The following TERB2 variants were observed in gnomAD, a reference collection of about 807,000 sequenced individuals.
TERB2 encodes the protein telomere repeat binding bouquet formation protein 2.
In TERB2, 26 loss-of-function variants were observed where a neutral mutation model predicts 29.8. The observed-to-expected ratio is 0.87, with a 90% confidence interval of 0.64 to 1.21. The LOEUF is 1.21. Ranked by LOEUF, TERB2 falls within the 50% of genes most tolerant of loss-of-function variation. The pLI is 0.00. For synonymous variants in TERB2, 80 were observed against 90.8 expected (o/e 0.88, Z 0.68); for missense variants, 240 against 268.6 (o/e 0.89, Z 0.74).
At chr15:44,974,000 C>G in intron 6 of TERB2, 45 bp downstream of exon 6, 1 of 1,435,692 alleles carries the variant, frequency 7.0e-7, no homozygotes, top group African/African-American at 1.4e-5. Context: ...AGGAAAGAAA[C>G]AAGGGAATAT....
intron 5 of TERB2, among the ~76,000 whole-genome samples, chr15:44,968,746 C>T (rs1807024307): frequency 6.6e-6 from 1 of 151,802 alleles, no homozygotes; most frequent in African/African-American, 2.4e-5. Context: ...GGATTACAGG[C>T]ATGAGCCACC....
intron 5 of TERB2, among the ~76,000 whole-genome samples, chr15:44,968,233 T>C (rs1891916240): frequency 6.6e-6 from 1 of 151,936 alleles, no homozygotes; most frequent in African/African-American, 2.4e-5. Context: ...TGTTTTTAAT[T>C]GAGACAGAAT....
intron 6 of TERB2, among the ~76,000 whole-genome samples, chr15:44,974,564 G>A (rs929655457): frequency 3.9e-5 from 6 of 152,078 alleles, no homozygotes; most frequent in Admixed American, 6.6e-5. Flanking sequence ...AACTAACCAC[G>A]GCTGACATTG....
chr15:44,966,956 T>C (rs1891901057), intron 5 of TERB2, among the ~76,000 whole-genome samples: 1 of 152,112 alleles, frequency 6.6e-6, no homozygotes, highest in Non-Finnish European at 1.5e-5. Flanking sequence ...AAATACTAGC[T>C]GGGCATAGTG....
intron 3 of TERB2, among the ~76,000 whole-genome samples, chr15:44,959,508 C>T (rs562202803): frequency 9.2e-5 from 14 of 152,192 alleles, no homozygotes; most frequent in East Asian, 3.9e-4. Flanking sequence ...GCTGGGACTA[C>T]AGGCGCCCAC....
intron 6 of TERB2, among the ~76,000 whole-genome samples, chr15:44,976,850 ATCT>A (rs1247168612): frequency 2.6e-5 from 4 of 152,128 alleles, no homozygotes; most frequent in East Asian, 3.8e-4. Context: ...CTAACTGCAG[ATCT>A]TCTTCTGGAT....
At chr15:44,978,339 A>C (rs1315778515) in intron 6 of TERB2, 150 bp from the exon 7 acceptor site, 3 of 1,201,024 alleles carry the variant, frequency 2.5e-6, no homozygotes, top group Non-Finnish European at 3.2e-6. Context: ...GGTTTCATGG[A>C]GAATCTTCTC....
At chr15:44,964,023 ATGGT>A (rs1428231928) in intron 4 of TERB2, among the ~76,000 whole-genome samples, 1 of 151,736 alleles carries the variant, frequency 6.6e-6, no homozygotes, top group Non-Finnish European at 1.5e-5. Context: ...GTTGGCCGGG[ATGGT>A]CTCAATCTCC....
At chr15:44,961,207 T>C (rs2141239280) in intron 3 of TERB2, among the ~76,000 whole-genome samples, 1 of 145,342 alleles carries the variant, frequency 6.9e-6, no homozygotes, top group Admixed American at 6.9e-5. Context: ...TATATATATA[T>C]ATATATATAC....
chr15:44,957,594 T>C (rs1891738311), intron 2 of TERB2, among the ~76,000 whole-genome samples: 1 of 152,188 alleles, frequency 6.6e-6, no homozygotes, highest in South Asian at 2.1e-4. Context: ...CCGAATACCA[T>C]GAATTAGATC....
At chr15:44,971,284 T>TA (rs1370034921) in intron 5 of TERB2, 5 of 152,246 alleles carry the variant, frequency 3.3e-5, no homozygotes, top group African/African-American at 1.2e-4. Context: ...TCCCTGAAGA[T>TA]ACCTCCACTT....
In TERB2 at chr15:44,974,813, A is replaced by G. The variant is rs17521396; in HGVS notation, c.523+858A>G. On this transcript the variant is annotated intron_variant, in intron 6 of 6. Transcript: ENST00000340827. Reference sequence around the variant, plus strand: ...ATTTATCATTTTCTCTTTATTTAGCAATGTTAAAACTACCTCTTGCAGCTA... The same window carrying G: ...ATTTATCATTTTCTCTTTATTTAGCGATGTTAAAACTACCTCTTGCAGCTA... 5.6e-3 allele frequency among the ~76,000 whole-genome samples: 853 copies of G among 152,310 alleles called. 36 individuals are homozygous for G. Among genetic ancestry groups the G allele is most frequent in the Admixed American group, 0.029 (448 of 15,288 alleles).
At chr15:44,966,405 G>A (rs1393895476) in intron 5 of TERB2, among the ~76,000 whole-genome samples, 162 bp downstream of exon 5, 4 of 152,056 alleles carry the variant, frequency 2.6e-5, no homozygotes, top group Admixed American at 1.3e-4. Flanking sequence ...AGAAAGATAA[G>A]CAATTTCCCC....
chr15:44,967,327 G>A (rs1341453835), intron 5 of TERB2, among the ~76,000 whole-genome samples: 2 of 152,226 alleles, frequency 1.3e-5, no homozygotes, highest in Non-Finnish European at 2.9e-5. Context: ...AGTGGAGGCA[G>A]GGGAATCCCC....
At position 44,958,410 on chromosome 15, in the gene TERB2, A is replaced by G; in HGVS notation, c.184A>G (p.Thr62Ala). Residue 62 changes from threonine (T) to alanine (A), a missense_variant, in exon 3 of 7, where the codon ACA becomes GCA. Coordinates refer to ENST00000340827, the MANE Select transcript of TERB2 (RefSeq NM_152448.3). ...CCTTGATTACATAGAAGATAATGCT[A>G]CAGTTTTTCATGCCTACTATCTCTC... The part of the protein sequence containing the change: ...QSLDYIEDNA[T>A]VFHAYYLSAV... 1 of 1,614,020 alleles carries G rather than the reference A, an allele frequency of 6.2e-7. No homozygotes were observed. Among genetic ancestry groups the G allele is most frequent in the African/African-American group, 1.3e-5 (1 of 75,062 alleles).
intron 4 of TERB2, among the ~76,000 whole-genome samples, chr15:44,964,051 C>T (rs184977220): frequency 0.015 from 2,321 of 152,066 alleles, 19 homozygotes; most frequent in Middle Eastern, 0.031. Flanking sequence ...CCTCGTGATC[C>T]GCCTGCCTTG....
At chr15:44,963,394 C>A (rs1271791825) in intron 4 of TERB2, among the ~76,000 whole-genome samples, 1 of 152,084 alleles carries the variant, frequency 6.6e-6, no homozygotes, top group Non-Finnish European at 1.5e-5. Context: ...AACATTCAGA[C>A]AAATCCAGAA....
In TERB2 at chr15:44,957,213, C is replaced by CAAA. The variant is rs112896617; in HGVS notation, c.146+246_146+248dup. Among the ~76,000 whole-genome samples, 43 of 110,128 alleles carry CAAA rather than the reference C, an allele frequency of 3.9e-4. 1 individual carries two copies. Among genetic ancestry groups the CAAA allele is most frequent in the African/African-American group, 1.4e-3 (42 of 29,558 alleles). The allele number at this position is 110,128 out of a possible 152,430, so 72.2% of individuals were successfully genotyped here. ...TGGGTGACAGAGCAAGATTCCATCT[C>CAAA]AAAAAAAAAAAACATAAATAAAGTA... is the stretch of plus-strand genomic sequence containing the variant. On this transcript the variant is annotated intron_variant, in intron 2 of 6. Transcript: ENST00000340827.
rs375751472 is a variant in TERB2, at chr15:44,961,589, G to C, written c.348+5G>C. 31 of 1,573,892 alleles carry C rather than the reference G, an allele frequency of 2.0e-5. No individual in the cohort carries two copies. Among genetic ancestry groups the C allele is most frequent in the Non-Finnish European group, 2.4e-5 (28 of 1,158,972 alleles). The stretch of plus-strand genomic sequence containing the variant: ...CAACATTTTCTGATAGAAAAGGTAA[G>C]AGTAAATTAAGGTACTTGATTAGCA... On this transcript the variant is annotated splice_donor_5th_base_variant and intron_variant, in intron 4 of 6. Transcript: ENST00000340827.
Sources: gnomAD v4.1 joint callset for allele counts (sites outside exome capture counted in the v4.1 genomes callset) on GRCh38, gnomAD v4.1.1 for gene constraint, MANE v1.5 for transcripts, NCBI Gene and HGNC (gene_info 2026-07-23, HGNC 2026-07-21) for gene names.